Variants in AFF2 observed in about 807,000 individuals in gnomAD.
AFF2 encodes ALF transcription elongation factor 2.
Under a neutral mutation model 76.9 loss-of-function variants are expected in AFF2, and 14 were observed. That is an observed-to-expected ratio of 0.18 (90% CI 0.12 to 0.28). The LOEUF is 0.28. AFF2 is among the 10% of genes least tolerant of loss of function. AFF2 has a pLI of 1.00. For synonymous variants in AFF2, 398 were observed against 366.7 expected (o/e 1.09, Z -0.98); for missense variants, 868 against 1,001.1 (o/e 0.87, Z 1.79).
At chrX:148,634,531 A>G (rs1199481136) in intron 1 of AFF2, among the ~76,000 whole-genome samples, 1 of 111,447 alleles carries the variant, frequency 9.0e-6, no homozygotes, top group East Asian at 2.8e-4. Context: ...TCACTTTTGG[A>G]TGGTTACTTT....
At chrX:148,644,742 A>G (rs2054127527) in intron 1 of AFF2, among the ~76,000 whole-genome samples, 1 of 112,130 alleles carries the variant, frequency 8.9e-6, no homozygotes, top group Non-Finnish European at 1.9e-5. Flanking sequence ...CTTCAGGTTA[A>G]GTTTGTCAGA....
intron 3 of AFF2, among the ~76,000 whole-genome samples, chrX:148,703,260 T>C (rs1188443666): frequency 1.8e-5 from 2 of 111,994 alleles, no homozygotes; most frequent in Non-Finnish European, 3.8e-5. Flanking sequence ...AAAGTTATTT[T>C]CATATTACAG....
At chrX:148,595,976 T>G (rs1238276481) in intron 1 of AFF2, among the ~76,000 whole-genome samples, 1 of 111,923 alleles carries the variant, frequency 8.9e-6, no homozygotes, top group African/African-American at 3.2e-5. Flanking sequence ...AATCTAGGGG[T>G]GCAGTGGCAG....
intron 3 of AFF2, among the ~76,000 whole-genome samples, chrX:148,687,017 C>T (rs2054607460): frequency 9.0e-6 from 1 of 111,275 alleles, no homozygotes; most frequent in Non-Finnish European, 1.9e-5. Flanking sequence ...AAAATAAGAA[C>T]CTGTGGAGCT....
intron 1 of AFF2, among the ~76,000 whole-genome samples, chrX:148,552,631 C>T (rs889879269): frequency 8.9e-6 from 1 of 112,136 alleles, no homozygotes; most frequent in African/African-American, 3.2e-5. Flanking sequence ...ATACCTGAAC[C>T]ACTATGCTTG....
At chrX:148,887,746 A>T (rs2071175786) in intron 8 of AFF2, among the ~76,000 whole-genome samples, 2 of 111,397 alleles carry the variant, frequency 1.8e-5, no homozygotes, top group African/African-American at 3.3e-5. Flanking sequence ...TGAAAATTTG[A>T]TGGGGAGATT....
chrX:148,958,436 C>A lies in AFF2; in HGVS notation c.2668C>A (p.His890Asn). Residue 890 changes from histidine (H) to asparagine (N), a missense_variant, in exon 12 of 21, where the codon CAC becomes AAC. Transcript: ENST00000370460. The part of the protein sequence containing the change: ...LPPCISPAPP[H>N]KPPNTRENNS... ...TCCTTGCATCTCACCAGCCCCACCC[C>A]ACAAGCCTCCCAACACTAGAGAGTG... 8.3e-7 allele frequency: 1 copy of A among 1,211,030 alleles called. No individual in the cohort carries two copies. Among genetic ancestry groups the A allele is most frequent in the Non-Finnish European group, 1.1e-6 (1 of 895,131 alleles).
At position 148,719,155 on chromosome X, in the gene AFF2, T is replaced by C. The variant is rs193231108; in HGVS notation, c.1041+56387T>C. ...CCATCTATCTATCCCAGATGTAAGA[T>C]ATGCTTCACCCCTCTTTCTTGATCC... On this transcript the variant is annotated intron_variant, in intron 3 of 20. Transcript: ENST00000370460. The C allele has an allele frequency of 1.4e-4, 156 of 1,144,260 alleles. No individual in the cohort carries two copies. In the East Asian group the frequency reaches 1.9e-3, roughly 14 times the overall value. The allele number at this position is 1,144,260 out of a possible 1,213,427, so 94.3% of individuals were successfully genotyped here. A position where few individuals can be genotyped will look rare whatever the true frequency, so the allele number is the denominator to read the frequency against.
intron 4 of AFF2, among the ~76,000 whole-genome samples, chrX:148,827,872 A>C (rs1184688718): frequency 1.8e-5 from 2 of 112,053 alleles, no homozygotes; most frequent in Non-Finnish European, 3.8e-5. Flanking sequence ...ATTATTAGAA[A>C]TGCTGCTGGA....
At position 148,781,030 on chromosome X, in the gene AFF2, G is replaced by T. The variant is rs2069736479; in HGVS notation, c.1042-28846G>T. Reference sequence around the variant, plus strand: ...CTCTTCTGAAGATCTGCTGGAGTTTGCTGGGGTTTTCCGCCAGACTCTGTT... The same window carrying T: ...CTCTTCTGAAGATCTGCTGGAGTTTTCTGGGGTTTTCCGCCAGACTCTGTT... On this transcript the variant is annotated intron_variant, in intron 3 of 20. Transcript: ENST00000370460. Among the ~76,000 whole-genome samples the T allele has an allele frequency of 2.7e-5, 3 of 111,994 alleles. No individual in the cohort carries two copies. In the Admixed American group the frequency reaches 2.8e-4, roughly 11 times the overall value.
chrX:148,773,747 A>AAAGAAAGAAAGAAAGG (rs1266070454), intron 3 of AFF2, among the ~76,000 whole-genome samples: 1 of 74,063 alleles, frequency 1.4e-5, no homozygotes, highest in Non-Finnish European at 2.7e-5. Context: ...AGAAAGAAAG[A>AAAGAAAGAAAGAAAGG]GAAAGAAAGA....
At chrX:148,697,948 AC>A (rs2054740108) in intron 3 of AFF2, among the ~76,000 whole-genome samples, 2 of 112,772 alleles carry the variant, frequency 1.8e-5, no homozygotes, top group African/African-American at 6.4e-5. Context: ...AATGTAAAAT[AC>A]CAGGACAGGT....
chrX:148,533,593 G>A (rs1196922588), intron 1 of AFF2, among the ~76,000 whole-genome samples: 1 of 111,783 alleles, frequency 8.9e-6, no homozygotes, highest in African/African-American at 3.3e-5. Context: ...CACCTGGCCC[G>A]ATAATTTGTT....
intron 3 of AFF2, among the ~76,000 whole-genome samples, chrX:148,781,125 C>T (rs1319895134): frequency 1.8e-5 from 2 of 112,031 alleles, no homozygotes; most frequent in East Asian, 2.8e-4. Flanking sequence ...CTGGAAGCTT[C>T]GTCCCAGAAG....
intron 9 of AFF2, among the ~76,000 whole-genome samples, chrX:148,946,846 C>G (rs181109232): frequency 8.9e-6 from 1 of 111,862 alleles, no homozygotes; most frequent in Non-Finnish European, 1.9e-5. Flanking sequence ...TAAGGATCCC[C>G]GTGATTACAC....
intron 1 of AFF2, among the ~76,000 whole-genome samples, chrX:148,580,334 C>T (rs1404692699): frequency 9.0e-6 from 1 of 111,063 alleles, no homozygotes; most frequent in Non-Finnish European, 1.9e-5. Context: ...AGCCCATCCA[C>T]CTTTTGTAAA....
chrX:148,921,086 A>G (rs1557283147), intron 9 of AFF2, among the ~76,000 whole-genome samples: 1 of 111,590 alleles, frequency 9.0e-6, no homozygotes. Context: ...CATTGCAAGC[A>G]GGTAAATTGA....
intron 3 of AFF2, among the ~76,000 whole-genome samples, chrX:148,677,252 G>A (rs1386292714): frequency 6.3e-5 from 7 of 111,076 alleles, no homozygotes; most frequent in African/African-American, 2.3e-4. Flanking sequence ...TTGACACTGA[G>A]AGCTTCAGAA....
intron 9 of AFF2, among the ~76,000 whole-genome samples, chrX:148,908,273 G>A (rs191682129): frequency 6.2e-5 from 7 of 112,045 alleles, no homozygotes; most frequent in Admixed American, 4.7e-4. Flanking sequence ...GTAAAGACAG[G>A]CATAGGAAAT....
Sources: allele counts gnomAD v4.1 joint callset (sites outside exome capture counted in the v4.1 genomes callset), GRCh38; gene constraint gnomAD v4.1.1; transcripts MANE v1.5; gene names NCBI Gene and HGNC (gene_info 2026-07-23, HGNC 2026-07-21).